Variants in MAF observed in about 807,000 individuals in gnomAD.
MAF encodes transcription factor Maf.
MAF carries 10 observed loss-of-function variants against 22.0 expected under a neutral mutation model. The ratio of observed to expected loss-of-function variants is 0.45; its 90% CI spans 0.28 to 0.77. MAF has a LOEUF of 0.77. MAF is among the 30% of genes least tolerant of loss of function. The pLI is 0.12. For missense variants in MAF, 544 were observed against 548.4 expected (o/e 0.99, Z 0.08); for synonymous variants, 337 against 255.8 (o/e 1.32, Z -3.03).
the MAF span, among the ~76,000 whole-genome samples, chr16:79,576,231 T>TAA: frequency 0.053 from 2,284 of 43,002 alleles, 185 homozygotes; most frequent in Non-Finnish European, 0.085. Context: ...CCTGTGGTAC[T>TAA]AAAAAAAAAA....
At chr16:79,341,159 G>C in the MAF span, among the ~76,000 whole-genome samples, 1 of 152,148 alleles carries the variant, frequency 6.6e-6, no homozygotes, top group Non-Finnish European at 1.5e-5. Flanking sequence ...ATAGGTACAG[G>C]TTCTGGGTCT....
chr16:79,265,834 T>C, the MAF span, among the ~76,000 whole-genome samples: 1 of 152,176 alleles, frequency 6.6e-6, no homozygotes, highest in Non-Finnish European at 1.5e-5. Flanking sequence ...TTGGGGCTAC[T>C]ACCAAATGAA....
chr16:79,531,831 G>A, the MAF span, among the ~76,000 whole-genome samples: 5 of 152,030 alleles, frequency 3.3e-5, no homozygotes, highest in Non-Finnish European at 7.4e-5. Context: ...TCTGTGGCCT[G>A]GGGGTTGGGG....
At chr16:79,205,049 T>C in the MAF span, 1 of 152,198 alleles carries the variant, frequency 6.6e-6, no homozygotes, top group Non-Finnish European at 1.5e-5. Context: ...GGGGGCATCA[T>C]ATTTGGGATG....
chr16:79,470,758 C>A, the MAF span, among the ~76,000 whole-genome samples: 1 of 152,120 alleles, frequency 6.6e-6, no homozygotes, highest in Admixed American at 6.5e-5. Context: ...AGAAGGCACT[C>A]CCTCTTGAAT....
At chr16:79,462,685 G>T in the MAF span, among the ~76,000 whole-genome samples, 1 of 152,112 alleles carries the variant, frequency 6.6e-6, no homozygotes, top group Non-Finnish European at 1.5e-5. Context: ...AGGGAATTTC[G>T]TCCACTTGGG....
chr16:79,293,812 A>G, the MAF span, among the ~76,000 whole-genome samples: 2 of 151,476 alleles, frequency 1.3e-5, no homozygotes, highest in Non-Finnish European at 2.9e-5. Context: ...GCCAGTCTAT[A>G]ATTTCTCACT....
At chr16:79,412,268 G>A in the MAF span, among the ~76,000 whole-genome samples, 1 of 152,256 alleles carries the variant, frequency 6.6e-6, no homozygotes, top group East Asian at 1.9e-4. Context: ...TCAGATAAAG[G>A]GCCAGTTGAC....
chr16:79,463,959 A>T, the MAF span, among the ~76,000 whole-genome samples: 1 of 124,350 alleles, frequency 8.0e-6, no homozygotes, highest in African/African-American at 2.6e-5. Context: ...CCCTGGAAAG[A>T]GCTGAGGCTT....
the MAF span, among the ~76,000 whole-genome samples, chr16:79,218,806 T>C: frequency 1.3e-5 from 2 of 152,210 alleles, no homozygotes; most frequent in South Asian, 4.1e-4. Flanking sequence ...TCCAAGCTAC[T>C]GCACTGTTAC....
At chr16:79,227,000 G>A in the MAF span, among the ~76,000 whole-genome samples, 2 of 151,988 alleles carry the variant, frequency 1.3e-5, no homozygotes, top group African/African-American at 4.8e-5. Flanking sequence ...ATGGCACCAA[G>A]AAACATATAT....
chr16:79,538,320 G>C, the MAF span, among the ~76,000 whole-genome samples: 9 of 152,280 alleles, frequency 5.9e-5, no homozygotes, highest in South Asian at 1.7e-3. Context: ...AGAAAGGAAG[G>C]CTTCTTTTGA....
chr16:79,577,382 T>C, the MAF span, among the ~76,000 whole-genome samples: 2 of 152,306 alleles, frequency 1.3e-5, no homozygotes, highest in African/African-American at 4.8e-5. Context: ...TCTAGAAATA[T>C]CTGCATGACT....
At chr16:79,244,276 G>T in the MAF span, among the ~76,000 whole-genome samples, 2 of 152,030 alleles carry the variant, frequency 1.3e-5, no homozygotes, top group African/African-American at 2.4e-5. Flanking sequence ...GAGTCAAATT[G>T]TCTCTGTTTG....
chr16:79,472,727 A>T, the MAF span, among the ~76,000 whole-genome samples: 3,134 of 152,210 alleles, frequency 0.021, 98 homozygotes, highest in African/African-American at 0.071. Flanking sequence ...TACATATACA[A>T]AAGCCCATTA....
the MAF span, among the ~76,000 whole-genome samples, chr16:79,236,943 G>A: frequency 5.1e-5 from 3 of 58,740 alleles, no homozygotes; most frequent in South Asian, 3.7e-4. Context: ...CATAAATCTC[G>A]GAAAAAAAAA....
At chr16:79,517,545 A>G in the MAF span, among the ~76,000 whole-genome samples, 1 of 147,328 alleles carries the variant, frequency 6.8e-6, no homozygotes, top group African/African-American at 2.5e-5. Flanking sequence ...TCCCAGAGTG[A>G]GGTTTTGAGT....
chr16:79,318,524 C>T, the MAF span, among the ~76,000 whole-genome samples: 1 of 152,148 alleles, frequency 6.6e-6, no homozygotes, highest in African/African-American at 2.4e-5. Flanking sequence ...CTGCACTAGC[C>T]AGAAAAAGCG....
chr16:79,441,536 C>G, the MAF span, among the ~76,000 whole-genome samples: 1 of 152,086 alleles, frequency 6.6e-6, no homozygotes, highest in African/African-American at 2.4e-5. Flanking sequence ...CTTATGGATT[C>G]CAAAATTTCA....
Sources: gnomAD v4.1 joint callset for allele counts (sites outside exome capture counted in the v4.1 genomes callset) on GRCh38, gnomAD v4.1.1 for gene constraint, MANE v1.5 for transcripts, NCBI Gene and HGNC (gene_info 2026-07-23, HGNC 2026-07-21) for gene names.